The following INO80 variants were observed in gnomAD, a reference collection of about 807,000 sequenced individuals.
The protein encoded by INO80 is INO80 complex ATPase subunit.
INO80 carries 20 observed loss-of-function variants against 203.4 expected under a neutral mutation model. That is an observed-to-expected ratio of 0.10 (90% confidence interval 0.07 to 0.14). The LOEUF is 0.14. Among genes scored for constraint, INO80 ranks in the 10% least tolerant of loss-of-function variants. The pLI, the probability that INO80 is intolerant of heterozygous loss-of-function variation, is 1.00. For missense variants in INO80, 1,419 were observed against 1,914.4 expected (o/e 0.74, Z 4.83); for synonymous variants, 726 against 685.2 (o/e 1.06, Z -0.93).
At chr15:41,056,555 T>C in intron 17 of INO80, 67 bp downstream of exon 17, 1 of 1,230,918 alleles carries the variant, frequency 8.1e-7, no homozygotes, top group Non-Finnish European at 1.2e-6. Flanking sequence ...GGGTAAAGAA[T>C]TCTATGCTCT....
intron 1 of INO80, among the ~76,000 whole-genome samples, chr15:41,110,723 G>A (rs2045947442): frequency 6.6e-6 from 1 of 152,190 alleles, no homozygotes; most frequent in Non-Finnish European, 1.5e-5. Flanking sequence ...GAGCTACCAT[G>A]AAGGTCTTGG....
intron 24 of INO80, among the ~76,000 whole-genome samples, chr15:41,038,697 C>T (rs2140506031): frequency 6.6e-6 from 1 of 152,294 alleles, no homozygotes; most frequent in African/African-American, 2.4e-5. Context: ...CTGTTACAAC[C>T]ATTGCTATCG....
At chr15:41,109,417 C>G (rs993820428) in intron 1 of INO80, among the ~76,000 whole-genome samples, 1 of 152,000 alleles carries the variant, frequency 6.6e-6, no homozygotes, top group African/African-American at 2.4e-5. Flanking sequence ...CCCCACTGCA[C>G]TACAGCCTGG....
At position 41,085,505 on chromosome 15, in the gene INO80, T is replaced by A. The variant is rs1461501478; in HGVS notation, c.737A>T (p.His246Leu). ...SSEESPRRHHHQTKVFAKFSH... is the reference protein window; with the variant it reads ...SSEESPRRHHLQTKVFAKFSH... ...AAACTTGGCAAAGACTTTGGTCTGGTGGTGATGGCGACGAGGGGATTCTTC... is the reference window on the plus strand; with the variant it reads ...AAACTTGGCAAAGACTTTGGTCTGGAGGTGATGGCGACGAGGGGATTCTTC... The change falls in exon 7 of 36, where the codon CAC becomes CTC. Residue 246 changes from histidine to leucine, a missense_variant. Transcript: ENST00000648947. 4 of 1,614,062 alleles carry A rather than the reference T, an allele frequency of 2.5e-6. No individual in the cohort carries two copies. The highest frequency in any genetic ancestry group is 3.4e-6 in the Non-Finnish European group (4 of 1,180,048).
intron 9 of INO80, among the ~76,000 whole-genome samples, chr15:41,078,250 C>T (rs1291704719): frequency 6.6e-6 from 1 of 151,876 alleles, no homozygotes; most frequent in African/African-American, 2.4e-5. Flanking sequence ...ATTAAATGAA[C>T]GAAGTAGATT....
chr15:40,980,688 G>C (rs1047053932), intron 35 of INO80, among the ~76,000 whole-genome samples: 1 of 152,152 alleles, frequency 6.6e-6, no homozygotes. Flanking sequence ...TTCATCCACA[G>C]ATGGTAAAAT....
At chr15:41,025,501 G>A (rs1182849432) in intron 25 of INO80, among the ~76,000 whole-genome samples, 3 of 152,044 alleles carry the variant, frequency 2.0e-5, no homozygotes, top group Non-Finnish European at 4.4e-5. Flanking sequence ...GATCACATGA[G>A]GTTAGGAGTT....
intron 6 of INO80, among the ~76,000 whole-genome samples, 196 bp downstream of exon 6, chr15:41,087,366 C>G (rs192625172): frequency 6.6e-6 from 1 of 152,136 alleles, no homozygotes; most frequent in Admixed American, 6.5e-5. Flanking sequence ...TTGGTACCTG[C>G]CAGGGGTCCA....
chr15:41,106,320 G>A (rs1284917679), intron 1 of INO80, among the ~76,000 whole-genome samples: 4 of 148,462 alleles, frequency 2.7e-5, no homozygotes, highest in Non-Finnish European at 5.9e-5. Flanking sequence ...AGAGACAGAG[G>A]TTGCTGCGGG....
In INO80 at chr15:41,071,904, T is replaced by C. The variant is rs771801998; in HGVS notation, c.1550A>G (p.Lys517Arg). The change falls in exon 12 of 36, where the codon AAA (lysine) becomes AGA (arginine). Residue 517 changes from lysine (K) to arginine (R), a missense_variant. Transcript: ENST00000648947. ...DIPQPTIFNGKLKGYQLKGMN... is the reference protein window; with the variant it reads ...DIPQPTIFNGRLKGYQLKGMN... ...GCCTTTCAGTTGATAACCTTTCAATTTGCCATTAAAAATTGTGGGCTGTGG... is the reference window on the plus strand; with the variant it reads ...GCCTTTCAGTTGATAACCTTTCAATCTGCCATTAAAAATTGTGGGCTGTGG... 1.2e-6 allele frequency: 2 copies of C among 1,613,972 alleles called. No homozygotes were observed. The highest frequency in any genetic ancestry group is 2.7e-5 in the African/African-American group (2 of 74,898).
At chr15:41,059,832 C>G in intron 15 of INO80, 35 bp downstream of exon 15, 2 of 1,356,264 alleles carry the variant, frequency 1.5e-6, no homozygotes, top group Admixed American at 1.9e-5. Flanking sequence ...ACTGCATGTA[C>G]GGTACGTATG....
At chr15:41,022,469 G>C (rs1397690922) in intron 25 of INO80, among the ~76,000 whole-genome samples, 3 of 150,964 alleles carry the variant, frequency 2.0e-5, no homozygotes, top group African/African-American at 4.9e-5. Context: ...CTGAGGGAGG[G>C]GCCAATAGAC....
intron 19 of INO80, among the ~76,000 whole-genome samples, chr15:41,052,437 T>C (rs565637272): frequency 8.0e-5 from 12 of 150,834 alleles, no homozygotes; most frequent in East Asian, 5.9e-4. Context: ...CTCTGGGAGG[T>C]TGAGGTGGGA....
chr15:41,013,736 A>G (rs1016198379), intron 27 of INO80, among the ~76,000 whole-genome samples: 1 of 152,224 alleles, frequency 6.6e-6, no homozygotes, highest in Admixed American at 6.5e-5. Context: ...AGGAAACCAG[A>G]GAAGAATTTC....
chr15:41,076,304 G>A (rs1031421650), intron 9 of INO80, among the ~76,000 whole-genome samples: 8 of 152,098 alleles, frequency 5.3e-5, no homozygotes, highest in Non-Finnish European at 8.8e-5. Flanking sequence ...AGGTTGCAGT[G>A]AGCCGAGGTC....
At chr15:41,073,564 A>T in intron 10 of INO80, 69 bp from the exon 11 acceptor site, 1 of 1,192,138 alleles carries the variant, frequency 8.4e-7, no homozygotes, top group Non-Finnish European at 1.3e-6. Flanking sequence ...AATTAACACC[A>T]ATGTATGTGG....
At chr15:41,038,096 C>T (rs562718096) in intron 24 of INO80, among the ~76,000 whole-genome samples, 3 of 133,738 alleles carry the variant, frequency 2.2e-5, no homozygotes, top group South Asian at 5.4e-4. Context: ...CTCACTGCAA[C>T]CTTCGTCTCC....
chr15:41,032,053 C>CACAGCACAGG (rs1566919737), intron 24 of INO80, among the ~76,000 whole-genome samples: 7 of 67,942 alleles, frequency 1.0e-4, no homozygotes, highest in African/African-American at 2.8e-4. Flanking sequence ...CACAGCACAG[C>CACAGCACAGG]ACAGCACAGG....
chr15:41,035,771 G>A (rs1385452004), intron 24 of INO80, among the ~76,000 whole-genome samples: 20 of 121,734 alleles, frequency 1.6e-4, no homozygotes, highest in African/African-American at 4.4e-4. Flanking sequence ...GCAGTGAGCC[G>A]AGATCACACC....
Sources: allele counts gnomAD v4.1 joint callset (sites outside exome capture counted in the v4.1 genomes callset), GRCh38; gene constraint gnomAD v4.1.1; transcripts MANE v1.5; gene names NCBI Gene and HGNC (gene_info 2026-07-23, HGNC 2026-07-21).